Variants in CCDC169 observed in about 807,000 individuals in gnomAD.
CCDC169 encodes coiled-coil domain-containing protein 169.
CCDC169 carries 30 observed loss-of-function variants against 36.0 expected under a neutral mutation model. The ratio of observed to expected loss-of-function variants is 0.83; its 90% CI spans 0.62 to 1.13. CCDC169 has a LOEUF of 1.13. CCDC169 is among the 50% of genes most tolerant of loss of function. The pLI is 0.00. For synonymous variants in CCDC169, 85 were observed against 81.5 expected (o/e 1.04, Z -0.23); for missense variants, 245 against 245.9 (o/e 1.00, Z 0.03).
Position 36,270,891 on chromosome 13 carries a change from G to A in CCDC169, c.315+12578C>T, listed in dbSNP as rs1038222532. 2.6e-5 allele frequency among the ~76,000 whole-genome samples: 4 copies of A among 152,112 alleles called. No individual in the cohort carries two copies. In the East Asian group the frequency reaches 7.7e-4, roughly 29 times the overall value. On this transcript the variant is annotated intron_variant, in intron 4 of 7. Coordinates refer to ENST00000239859, the MANE Select transcript of CCDC169 (RefSeq NM_001144981.3). ...AGAATTCATGACTAAGATGCAAAAA[G>A]CAAATGCAACAAAAACAAAAATAAA...
rs536981265 is a variant in CCDC169, at chr13:36,280,467, A to G, written c.315+3002T>C. 3 of 152,344 alleles carry G rather than the reference A, an allele frequency of 2.0e-5. No homozygotes were observed. In the South Asian group the frequency reaches 6.2e-4, roughly 32 times the overall value. 9.4% of individuals were successfully genotyped at this position (152,344 alleles called of 1,614,324 possible). On this transcript the variant is annotated intron_variant, in intron 4 of 7. Transcript: ENST00000239859. ...AACATTCACATTCCAACACAATGGA[A>G]CATAATATATCATTGAAAAATGCAC...
chr13:36,247,017 T>A (rs1021970658), intron 7 of CCDC169, among the ~76,000 whole-genome samples: 25 of 152,196 alleles, frequency 1.6e-4, no homozygotes, highest in African/African-American at 6.0e-4. Context: ...TGAGTTTATG[T>A]TGAAGCTAAT....
At chr13:36,258,988 GC>G (rs1489356624) in intron 4 of CCDC169, among the ~76,000 whole-genome samples, 2 of 152,158 alleles carry the variant, frequency 1.3e-5, no homozygotes, top group Non-Finnish European at 2.9e-5. Context: ...GCCTGAAGCT[GC>G]CGGGATGAGT....
chr13:36,236,578 C>A (rs970803695), intron 7 of CCDC169, among the ~76,000 whole-genome samples: 1 of 151,998 alleles, frequency 6.6e-6, no homozygotes, highest in Admixed American at 6.6e-5. Context: ...TTATGTATGA[C>A]ACCTAACACA....
chr13:36,239,004 G>A (rs575885280), intron 7 of CCDC169, among the ~76,000 whole-genome samples: 1 of 152,226 alleles, frequency 6.6e-6, no homozygotes, highest in South Asian at 2.1e-4. Flanking sequence ...GCCAAGGTGG[G>A]AGATTGCTTG....
At chr13:36,296,967 G>C (rs140560228) in intron 1 of CCDC169, among the ~76,000 whole-genome samples, 1 of 152,280 alleles carries the variant, frequency 6.6e-6, no homozygotes, top group East Asian at 1.9e-4. Flanking sequence ...TACTTCCTCA[G>C]AATACACAGA....
At position 36,230,809 on chromosome 13, in the gene CCDC169, G is replaced by T. The variant is rs1566056195; in HGVS notation, c.*384C>A. 1 of 988,648 alleles carries T rather than the reference G, an allele frequency of 1.0e-6. No homozygotes were observed. The highest frequency in any genetic ancestry group is 1.2e-6 in the Non-Finnish European group (1 of 832,368). The allele number at this position is 988,648 out of a possible 1,614,324, so 61.2% of individuals were successfully genotyped here. A position where few individuals can be genotyped will look rare whatever the true frequency, so the allele number is the denominator to read the frequency against. ...TTAAACCTGCAATTTAAAAAACTGAGCAAGATCCAGCCCAAAATGGCAAAA... is the reference window on the plus strand; with the variant it reads ...TTAAACCTGCAATTTAAAAAACTGATCAAGATCCAGCCCAAAATGGCAAAA... On this transcript the variant is annotated 3_prime_UTR_variant, in exon 8 of 8. Transcript: ENST00000239859.
intron 4 of CCDC169, among the ~76,000 whole-genome samples, chr13:36,266,012 G>A (rs1008424359): frequency 6.6e-6 from 1 of 152,152 alleles, no homozygotes; most frequent in Non-Finnish European, 1.5e-5. Context: ...GTCCGTTTTG[G>A]GAGGACTGTG....
chr13:36,240,325 T>C (rs1393984601), intron 7 of CCDC169, among the ~76,000 whole-genome samples: 1 of 152,012 alleles, frequency 6.6e-6, no homozygotes, highest in Non-Finnish European at 1.5e-5. Context: ...GAGGCATAAA[T>C]ATAAATCATC....
At chr13:36,261,613 A>T (rs985382753) in intron 4 of CCDC169, among the ~76,000 whole-genome samples, 1 of 152,194 alleles carries the variant, frequency 6.6e-6, no homozygotes, top group Non-Finnish European at 1.5e-5. Context: ...CTGGACACTC[A>T]ACTGGTTGAT....
intron 4 of CCDC169, chr13:36,280,927 A>G (rs1482514433): frequency 1.9e-5 from 3 of 157,984 alleles, no homozygotes; most frequent in South Asian, 1.9e-4. Flanking sequence ...GTAAAACACT[A>G]TATTTCCTAG....
At chr13:36,268,753 A>G (rs1875657871) in intron 4 of CCDC169, among the ~76,000 whole-genome samples, 1 of 152,204 alleles carries the variant, frequency 6.6e-6, no homozygotes, top group East Asian at 1.9e-4. Context: ...AGAAGATCCA[A>G]ATAAGCTCAA....
At chr13:36,246,552 A>G (rs1872524634) in intron 7 of CCDC169, among the ~76,000 whole-genome samples, 1 of 152,204 alleles carries the variant, frequency 6.6e-6, no homozygotes, top group Admixed American at 6.5e-5. Context: ...CCAGCAGAGG[A>G]TGGTTCATGA....
At chr13:36,227,164 A>C, downstream of CCDC169, 1 of 1,321,428 alleles carries the variant, frequency 7.6e-7, no homozygotes, top group Middle Eastern at 1.9e-4. Context: ...TGAGATCACA[A>C]TCCTGGGGGT....
At chr13:36,293,755 C>G (rs1879173612) in intron 2 of CCDC169, among the ~76,000 whole-genome samples, 1 of 152,166 alleles carries the variant, frequency 6.6e-6, no homozygotes, top group African/African-American at 2.4e-5. Context: ...GACCAGCTCA[C>G]TTGAATCTTC....
intron 2 of CCDC169, among the ~76,000 whole-genome samples, chr13:36,284,099 A>G (rs768840960): frequency 8.6e-5 from 13 of 151,908 alleles, no homozygotes; most frequent in Non-Finnish European, 1.6e-4. Context: ...GATATTTCAT[A>G]TACATATCCA....
intron 6 of CCDC169, among the ~76,000 whole-genome samples, chr13:36,253,192 A>C (rs1873384924): frequency 6.6e-6 from 1 of 152,246 alleles, no homozygotes; most frequent in South Asian, 2.1e-4. Flanking sequence ...GCATAATTAT[A>C]AAGTGAAGTG....
chr13:36,294,776 C>T (rs942700538), intron 2 of CCDC169, among the ~76,000 whole-genome samples: 1 of 152,032 alleles, frequency 6.6e-6, no homozygotes, highest in Non-Finnish European at 1.5e-5. Flanking sequence ...GCAGGGGGTA[C>T]GTGACTGGGG....
intron 4 of CCDC169, among the ~76,000 whole-genome samples, chr13:36,275,158 C>T (rs910367082): frequency 6.6e-5 from 10 of 151,982 alleles, no homozygotes; most frequent in Admixed American, 2.6e-4. Context: ...TGAGCCACCG[C>T]GCTCGGCCTG....
Sources: allele counts gnomAD v4.1 joint callset (sites outside exome capture counted in the v4.1 genomes callset), GRCh38; gene constraint gnomAD v4.1.1; transcripts MANE v1.5; gene names NCBI Gene and HGNC (gene_info 2026-07-23, HGNC 2026-07-21).